The following PRMT9 variants were observed in gnomAD, a reference collection of about 807,000 sequenced individuals.
PRMT9 encodes the protein protein arginine methyltransferase 9.
A neutral mutation model predicts 83.2 loss-of-function variants in PRMT9; 59 were observed. That is an observed-to-expected ratio of 0.71 (90% confidence interval 0.57 to 0.88). The LOEUF (loss-of-function observed/expected upper bound fraction) is 0.88. Among genes scored for constraint, PRMT9 ranks in the 40% least tolerant of loss-of-function variants. PRMT9 has a pLI of 0.00. For missense variants in PRMT9, 947 were observed against 1,021.9 expected (o/e 0.93, Z 1.00); for synonymous variants, 333 against 353.2 (o/e 0.94, Z 0.64).
At chr4:147,645,010 T>C (rs1733642533) in intron 9 of PRMT9, among the ~76,000 whole-genome samples, 1 of 152,266 alleles carries the variant, frequency 6.6e-6, no homozygotes, top group South Asian at 2.1e-4. Context: ...TATTATCATA[T>C]GTACATTTCA....
In PRMT9 at chr4:147,683,944, C is replaced by G. The variant is rs772930739; in HGVS notation, c.44G>C (p.Gly15Ala). The change falls in exon 1 of 12, where the codon GGC becomes GCC. Residue 15 changes from glycine (G) to alanine (A), a missense_variant. By Grantham distance (60) the Gly-to-Ala change is moderately conservative. Coordinates refer to ENST00000322396, the MANE Select transcript of PRMT9 (RefSeq NM_138364.4). ...RPRSRRDAGG[G>A]AGAAGRDELV... ...CTCGTCCCGGCCGGCTGCCCCAGCG[C>G]CACCCCCGGCGTCTCGGCGGGACCT... The G allele has an allele frequency of 6.2e-7, 1 of 1,612,912 alleles. No homozygotes were observed. Among genetic ancestry groups the G allele is most frequent in the Admixed American group, 1.7e-5 (1 of 59,986 alleles).
At chr4:147,641,496 A>G (rs770854139) in intron 10 of PRMT9, among the ~76,000 whole-genome samples, 1 of 152,164 alleles carries the variant, frequency 6.6e-6, no homozygotes, top group Non-Finnish European at 1.5e-5. Context: ...ATAAAATAGT[A>G]TATCCCATAC....
Position 147,676,337 on chromosome 4 carries a change from T to G in PRMT9, c.339-2463A>C, listed in dbSNP as rs1253883127. On this transcript the variant is annotated intron_variant, in intron 2 of 11. Coordinates refer to ENST00000322396, the MANE Select transcript of PRMT9 (RefSeq NM_138364.4). ...AATCTGGAAATATAATTGAATCCTA[T>G]AGAGTAACTCTCATTATATAAAGAA... Among the ~76,000 whole-genome samples the G allele has an allele frequency of 2.0e-5, 3 of 152,194 alleles. No homozygotes were observed. In the East Asian group the frequency reaches 5.8e-4, roughly 29 times the overall value.
intron 10 of PRMT9, among the ~76,000 whole-genome samples, chr4:147,640,179 C>T (rs2718449): frequency 0.86 from 129,392 of 149,750 alleles, 58,022 homozygotes; most frequent in Non-Finnish European, 0.98. Context: ...CTCAAGTGAT[C>T]CTCCCACCTC....
chr4:147,638,988 T>TA lies in PRMT9; in HGVS notation c.2293dup (p.Tyr765LeufsTer6). The TA allele has an allele frequency of 6.2e-7, 1 of 1,612,762 alleles. No homozygotes were observed. Among genetic ancestry groups the TA allele is most frequent in the Non-Finnish European group, 8.5e-7 (1 of 1,178,870 alleles). ...TACTTCTCTGTTAGAGGTGTTCAAA[T>TA]ACGGAGTCATTAAATCTAGTCTTAA... On this transcript the variant is annotated frameshift_variant, in exon 11 of 12. Transcript: ENST00000322396. LOFTEE classifies it high-confidence loss of function.
At chr4:147,682,039 A>C (rs1468624079) in intron 1 of PRMT9, among the ~76,000 whole-genome samples, 1 of 152,152 alleles carries the variant, frequency 6.6e-6, no homozygotes, top group Non-Finnish European at 1.5e-5. Flanking sequence ...GGAGTCATAC[A>C]CTGTCGCCCA....
At chr4:147,658,242 G>T (rs376235493) in intron 7 of PRMT9, among the ~76,000 whole-genome samples, 4 of 151,800 alleles carry the variant, frequency 2.6e-5, no homozygotes, top group Admixed American at 2.6e-4. Flanking sequence ...TTGTTGAATT[G>T]AAAAGGTTAA....
At chr4:147,648,107 C>T (rs1733847266) in intron 9 of PRMT9, among the ~76,000 whole-genome samples, 1 of 152,022 alleles carries the variant, frequency 6.6e-6, no homozygotes, top group South Asian at 2.1e-4. Context: ...TGTTTCCTGC[C>T]CCAGAACTCC....
In PRMT9 at chr4:147,660,964, A is replaced by G; in HGVS notation, c.1028T>C (p.Val343Ala). 3 of 1,612,838 alleles carry G rather than the reference A, an allele frequency of 1.9e-6. No homozygotes were observed. Among genetic ancestry groups the G allele is most frequent in the Non-Finnish European group, 2.5e-6 (3 of 1,178,872 alleles). The change falls in exon 7 of 12, where the codon GTA (valine) becomes GCA (alanine). Residue 343 changes from valine (V) to alanine (A), a missense_variant. Physicochemically the swap from Val to Ala is moderately conservative, Grantham distance 64. Coordinates refer to ENST00000322396, the MANE Select transcript of PRMT9 (RefSeq NM_138364.4). The stretch of plus-strand genomic sequence containing the variant: ...AGGTTCAATTGTTTCTTCAGTATCT[A>G]CAGAAGAATAAGCCGGACTCTGAAA... ...VKFQSPAYSS[V>A]DTEETIEPYT... is the part of the protein sequence containing the mutation.
At chr4:147,663,109 C>T (rs573047470) in intron 6 of PRMT9, among the ~76,000 whole-genome samples, 60 of 150,836 alleles carry the variant, frequency 4.0e-4, no homozygotes, top group Non-Finnish European at 6.5e-4. Context: ...CCCCAGTTCA[C>T]GCCATTCTCC....
At chr4:147,664,184 G>A (rs1735164445) in intron 6 of PRMT9, among the ~76,000 whole-genome samples, 1 of 152,150 alleles carries the variant, frequency 6.6e-6, no homozygotes, top group Non-Finnish European at 1.5e-5. Flanking sequence ...GTGCACACCT[G>A]TGGTTGGCAG....
At chr4:147,652,828 G>T (rs1734205855) in intron 9 of PRMT9, among the ~76,000 whole-genome samples, 1 of 152,058 alleles carries the variant, frequency 6.6e-6, no homozygotes, top group African/African-American at 2.4e-5. Flanking sequence ...ATGTTATGTG[G>T]ATTCTCCCTA....
chr4:147,662,307 T>A (rs1196614673), intron 6 of PRMT9, among the ~76,000 whole-genome samples: 1 of 152,178 alleles, frequency 6.6e-6, no homozygotes, highest in Non-Finnish European at 1.5e-5. Flanking sequence ...GTGTTAGAAG[T>A]CAGATAGTAG....
rs1311226968 is a variant in PRMT9 at position 147,675,832 on chromosome 4, T to C, written c.339-1958A>G. Among the ~76,000 whole-genome samples, 6 of 152,192 alleles carry C rather than the reference T, an allele frequency of 3.9e-5. No individual in the cohort carries two copies. In the East Asian group the frequency reaches 9.6e-4, roughly 24 times the overall value. On this transcript the variant is annotated intron_variant, in intron 2 of 11. Coordinates refer to ENST00000322396, the MANE Select transcript of PRMT9 (RefSeq NM_138364.4). The stretch of plus-strand genomic sequence containing the variant: ...GCAATTTAAATACATTTTGTTTAAA[T>C]CTGATGCTACTGGACTAACAAAAGG...
intron 6 of PRMT9, among the ~76,000 whole-genome samples, chr4:147,662,031 T>C (rs539159502): frequency 4.6e-5 from 7 of 152,220 alleles, no homozygotes; most frequent in African/African-American, 1.2e-4. Flanking sequence ...TCTGAGAATA[T>C]AGTCAACAGA....
intron 9 of PRMT9, among the ~76,000 whole-genome samples, chr4:147,651,337 G>T (rs1357573708): frequency 6.6e-6 from 1 of 152,056 alleles, no homozygotes; most frequent in Non-Finnish European, 1.5e-5. Context: ...TGATTTCTTG[G>T]ATATGATATC....
chr4:147,666,881 C>T (rs916959246), intron 6 of PRMT9, among the ~76,000 whole-genome samples: 1 of 147,838 alleles, frequency 6.8e-6, no homozygotes, highest in Admixed American at 6.7e-5. Context: ...TACACCTATT[C>T]AATCAAACTG....
At position 147,683,896 on chromosome 4, in the gene PRMT9, C is replaced by G; in HGVS notation, c.92G>C (p.Ser31Thr). 1 of 1,613,668 alleles carries G rather than the reference C, an allele frequency of 6.2e-7. No individual in the cohort carries two copies. Among genetic ancestry groups the G allele is most frequent in the East Asian group, 2.2e-5 (1 of 44,878 alleles). The change falls in exon 1 of 12, where the codon AGC becomes ACC. Residue 31 changes from serine (S) to threonine (T), a missense_variant. Physicochemically the swap from Ser to Thr is moderately conservative, Grantham distance 58. Coordinates refer to ENST00000322396, the MANE Select transcript of PRMT9 (RefSeq NM_138364.4). The stretch of plus-strand genomic sequence containing the variant: ...CTGGACGCCCAGACAGTGCTCTGCG[C>G]TCTGCAAGGACCGCGACACCAGCTC... The part of the protein sequence containing the change: ...RDELVSRSLQ[S>T]AEHCLGVQDF...
In PRMT9 at chr4:147,643,105, C is replaced by T. The variant is rs544900211; in HGVS notation, c.2046-165G>A. 1.9e-4 allele frequency among the ~76,000 whole-genome samples: 29 copies of T among 152,026 alleles called. No individual in the cohort carries two copies. The South Asian group carries it at 5.4e-3, about 28-fold the overall frequency. On this transcript the variant is annotated intron_variant, in intron 9 of 11. Transcript: ENST00000322396. ...CGAAACCTCATCTCTACAAAAAATA[C>T]AAAAACTAGCCAACTAGATCCACAG...
Sources: gnomAD v4.1 joint callset for allele counts (sites outside exome capture counted in the v4.1 genomes callset) on GRCh38, gnomAD v4.1.1 for gene constraint, MANE v1.5 for transcripts, NCBI Gene and HGNC (gene_info 2026-07-23, HGNC 2026-07-21) for gene names.